Variants in DYNC2H1 observed in about 807,000 individuals in gnomAD.
DYNC2H1 encodes the protein cytoplasmic dynein 2 heavy chain 1.
A neutral mutation model predicts 570.0 loss-of-function variants in DYNC2H1; 410 were observed. That is an observed-to-expected ratio of 0.72 (90% CI 0.66 to 0.78). The LOEUF is 0.78. DYNC2H1 is among the 30% of genes least tolerant of loss of function. The pLI is 0.00. For synonymous variants in DYNC2H1, 1,688 were observed against 1,677.6 expected (o/e 1.01, Z -0.15); for missense variants, 4,865 against 5,046.4 (o/e 0.96, Z 1.09).
chr11:103,136,332 G>A (rs934203143), intron 17 of DYNC2H1, among the ~76,000 whole-genome samples: 9 of 151,338 alleles, frequency 5.9e-5, no homozygotes, highest in Admixed American at 1.3e-4. Flanking sequence ...CCATTAACTC[G>A]TCATTTACCA....
chr11:103,238,949 G>T (rs1461905719), intron 63 of DYNC2H1, among the ~76,000 whole-genome samples: 1 of 152,116 alleles, frequency 6.6e-6, no homozygotes, highest in Non-Finnish European at 1.5e-5. Context: ...ATTATTAATA[G>T]TTTTCCTTTC....
chr11:103,279,101 T>A (rs771127813), intron 70 of DYNC2H1, among the ~76,000 whole-genome samples: 3 of 152,220 alleles, frequency 2.0e-5, no homozygotes, highest in Non-Finnish European at 4.4e-5. Context: ...TTTGCATAGG[T>A]ACCCTGTATT....
intron 40 of DYNC2H1, among the ~76,000 whole-genome samples, chr11:103,183,679 T>A (rs78281356): frequency 0.088 from 13,422 of 151,884 alleles, 783 homozygotes; most frequent in Non-Finnish European, 0.12. Context: ...TTGTATGAAT[T>A]CAGCAAATAA....
intron 54 of DYNC2H1, among the ~76,000 whole-genome samples, chr11:103,215,501 T>C (rs1565402322): frequency 6.6e-6 from 1 of 152,208 alleles, no homozygotes; most frequent in Non-Finnish European, 1.5e-5. Flanking sequence ...AAAATTTGTT[T>C]TTCTTTAAAA....
At chr11:103,200,177 A>C in intron 50 of DYNC2H1, 23 bp downstream of exon 50, 3 of 1,430,478 alleles carry the variant, frequency 2.1e-6, no homozygotes, top group African/African-American at 1.5e-5. Flanking sequence ...TTTCTTTTCG[A>C]AGAAAATAAA....
rs186163494 is a variant in DYNC2H1 at position 103,296,148 on chromosome 11, C to T, written c.11096-6945C>T. Among the ~76,000 whole-genome samples, 8 of 152,230 alleles carry T rather than the reference C, an allele frequency of 5.3e-5. No homozygotes were observed. In the East Asian group the frequency reaches 1.4e-3, roughly 26 times the overall value. The stretch of plus-strand genomic sequence containing the variant: ...CTTCAATGCCTCTTTACTTGTGAGT[C>T]TATTGAAATCAGCTGCTGTGATCAC... On this transcript the variant is annotated intron_variant, in intron 75 of 88. Coordinates refer to ENST00000375735, the MANE Select transcript of DYNC2H1 (RefSeq NM_001377.3).
At position 103,187,379 on chromosome 11, in the gene DYNC2H1, T is replaced by C; in HGVS notation, c.6933T>C (p.Thr2311=). Residue 2311 remains threonine (T), a synonymous_variant, in exon 43 of 89, where the codon ACT becomes ACC. Coordinates refer to ENST00000375735, the MANE Select transcript of DYNC2H1 (RefSeq NM_001377.3). ...ACGCATTTTCACAACTCCGGTCCACTCAAATTGCTACAGTTCACTGTAGTG... is the reference window on the plus strand; with the variant it reads ...ACGCATTTTCACAACTCCGGTCCACCCAAATTGCTACAGTTCACTGTAGTG... ...LRYAFSQLRS[T]QIATVHCSAQ... is the part of the protein sequence containing the mutation. The C allele has an allele frequency of 6.2e-7, 1 of 1,613,164 alleles. No individual in the cohort carries two copies. Among genetic ancestry groups the C allele is most frequent in the Non-Finnish European group, 8.5e-7 (1 of 1,179,346 alleles).
At chr11:103,372,299 G>A (rs181904558) in intron 83 of DYNC2H1, among the ~76,000 whole-genome samples, 78 of 152,178 alleles carry the variant, frequency 5.1e-4, no homozygotes, top group Non-Finnish European at 9.0e-4. Context: ...GATTACAGGC[G>A]TGAGCCTCCG....
At position 103,207,240 on chromosome 11, in the gene DYNC2H1, TTTAAA is replaced by T. The variant is rs772124137; in HGVS notation, c.8454+2277_8454+2281del. Among the ~76,000 whole-genome samples, 15 of 29,060 alleles carry T rather than the reference TTTAAA, an allele frequency of 5.2e-4. 1 individual carries two copies. The highest frequency in any genetic ancestry group is 5.3e-4 in the Non-Finnish European group (5 of 9,512). 19.1% of individuals were successfully genotyped at this position (29,060 alleles called of 152,430 possible). On this transcript the variant is annotated intron_variant, in intron 52 of 88. Coordinates refer to ENST00000375735, the MANE Select transcript of DYNC2H1 (RefSeq NM_001377.3). ...CTGGGCCTGTTTTTTTTTTTTTTTTTTTAAAAAAAGATGGGACACACTATAGTATG... is the reference window on the plus strand; with the variant it reads ...CTGGGCCTGTTTTTTTTTTTTTTTTTAAAAGATGGGACACACTATAGTATG...
intron 75 of DYNC2H1, 56 bp from the exon 76 acceptor site, chr11:103,303,037 A>C (rs1049281141): frequency 3.5e-5 from 44 of 1,264,988 alleles, no homozygotes; most frequent in Non-Finnish European, 4.1e-5. Flanking sequence ...AGATTTAATA[A>C]ACTTTTTAAT....
At chr11:103,431,895 C>T (rs1381193891) in intron 84 of DYNC2H1, among the ~76,000 whole-genome samples, 4 of 152,064 alleles carry the variant, frequency 2.6e-5, no homozygotes, top group South Asian at 2.1e-4. Flanking sequence ...GGGGCACTGT[C>T]GTAGAGAAGA....
rs777738527 is a variant in DYNC2H1, at chr11:103,461,683, C to T, written c.12648+5327C>T. On this transcript the variant is annotated intron_variant, in intron 87 of 88. Coordinates refer to ENST00000375735, the MANE Select transcript of DYNC2H1 (RefSeq NM_001377.3). This position sits in a 1 kb window ranked among gnomAD's most constrained non-coding sequence, Gnocchi z 4.8. ...TACTATATTGTAGCTCTGCATGGAA[C>T]GGTCAATTCCCTAGAAAATGTAAAC... Among the ~76,000 whole-genome samples the T allele has an allele frequency of 1.7e-4, 25 of 151,404 alleles. No individual in the cohort carries two copies. Among genetic ancestry groups the T allele is most frequent in the Admixed American group, 8.6e-4 (13 of 15,196 alleles).
chr11:103,109,676 C>T lies in DYNC2H1; in HGVS notation c.102C>T (p.Cys34=). The change falls in exon 1 of 89, where the codon TGC becomes TGT. Residue 34 remains cysteine (C), a synonymous_variant. Transcript: ENST00000375735. ...MSELWDQPLL[C]NCLEINNFLD... ...AACTCTGGGATCAGCCACTGTTGTG[C>T]AACTGTCTTGAAATCAACAACTTCT... The T allele has an allele frequency of 6.2e-7, 1 of 1,613,998 alleles. No homozygotes were observed. The highest frequency in any genetic ancestry group is 1.1e-5 in the South Asian group (1 of 91,082).
chr11:103,377,322 C>G (rs1941433998), intron 83 of DYNC2H1, among the ~76,000 whole-genome samples: 1 of 152,014 alleles, frequency 6.6e-6, no homozygotes, highest in African/African-American at 2.4e-5. Context: ...TATTTTTTCC[C>G]CCTTGGACTG....
Position 103,299,064 on chromosome 11 carries a change from G to T in DYNC2H1, c.11096-4029G>T, listed in dbSNP as rs7101753. Among the ~76,000 whole-genome samples, 25,081 of 152,020 alleles carry T rather than the reference G, an allele frequency of 0.16. 2,246 individuals are homozygous for T. Among genetic ancestry groups the T allele is most frequent in the Admixed American group, 0.25 (3,849 of 15,238 alleles). On this transcript the variant is annotated intron_variant, in intron 75 of 88. Transcript: ENST00000375735. This position sits in a 1 kb window ranked among gnomAD's most constrained non-coding sequence, Gnocchi z 4.5. ...TTTGACTTAAAATGACTATCATGAG[G>T]AGTATATTATACTATGTGTATTGAG...
intron 84 of DYNC2H1, among the ~76,000 whole-genome samples, chr11:103,430,824 C>T (rs796965613): frequency 1.6e-4 from 24 of 152,234 alleles, no homozygotes; most frequent in African/African-American, 5.3e-4. Context: ...AAAGCCTTTC[C>T]TAACTCTTGC....
In DYNC2H1 at chr11:103,304,638, T is replaced by C. The variant is rs761102581; in HGVS notation, c.11300T>C (p.Leu3767Pro). The C allele has an allele frequency of 1.9e-6, 3 of 1,613,492 alleles. No homozygotes were observed. The highest frequency in any genetic ancestry group is 2.5e-6 in the Non-Finnish European group (3 of 1,179,568). ...QGQADLAIQM[L>P]KECARNGDWL... ...CAAGCTGATTTAGCAATTCAAATGC[T>C]AAAAGAATGTGCCCGCAATGGAGAC... The change falls in exon 77 of 89, where the codon CTA becomes CCA. Residue 3767 changes from leucine to proline, a missense_variant. Leu to Pro is a moderately conservative substitution (Grantham distance 98, BLOSUM62 -3). Transcript: ENST00000375735.
intron 61 of DYNC2H1, among the ~76,000 whole-genome samples, chr11:103,234,607 C>T (rs1864150652): frequency 1.3e-5 from 2 of 151,648 alleles, no homozygotes; most frequent in Admixed American, 6.6e-5. Context: ...TTTCCTGATC[C>T]TCCTCATCTG....
intron 1 of DYNC2H1, among the ~76,000 whole-genome samples, chr11:103,111,914 G>C (rs1858134064): frequency 6.6e-6 from 1 of 152,172 alleles, no homozygotes; most frequent in Admixed American, 6.5e-5. Context: ...TGAACACAGA[G>C]TCCGTATCTT....
Sources: allele counts gnomAD v4.1 joint callset (sites outside exome capture counted in the v4.1 genomes callset), GRCh38; gene constraint gnomAD v4.1.1; non-coding constraint Gnocchi (gnomAD v3.1); transcripts MANE v1.5; gene names NCBI Gene and HGNC (gene_info 2026-07-23, HGNC 2026-07-21).